TEK: variants seen among roughly 807,000 people sequenced by gnomAD.
TEK encodes the protein angiopoietin-1 receptor.
In TEK, 43 loss-of-function variants were observed where a neutral mutation model predicts 131.8. That is an observed-to-expected ratio of 0.33 (90% CI 0.26 to 0.42). TEK has a LOEUF of 0.42. Ranked by LOEUF, TEK falls within the 10% of genes least tolerant of loss-of-function variation. The pLI is 1.00. For missense variants in TEK, 1,162 were observed against 1,384.4 expected (o/e 0.84, Z 2.55); for synonymous variants, 580 against 491.6 (o/e 1.18, Z -2.38).
intron 1 of TEK, among the ~76,000 whole-genome samples, chr9:27,140,373 G>A (rs1822677305): frequency 6.9e-6 from 1 of 143,984 alleles, no homozygotes; most frequent in South Asian, 2.3e-4. Flanking sequence ...GGATCTGTTT[G>A]TGAAACTTAC....
intron 1 of TEK, among the ~76,000 whole-genome samples, chr9:27,109,918 C>T (rs1175273341): frequency 1.3e-5 from 2 of 152,066 alleles, no homozygotes; most frequent in Middle Eastern, 3.2e-3. Context: ...TGAAGAGATC[C>T]CCTTACTATC....
rs1165382474 is a variant in TEK, at chr9:27,197,616, G to T, written c.1909+17G>T. 6.2e-7 allele frequency: 1 copy of T among 1,613,526 alleles called. No individual in the cohort carries two copies. The highest frequency in any genetic ancestry group is 8.5e-7 in the Non-Finnish European group (1 of 1,179,834). The stretch of plus-strand genomic sequence containing the variant: ...TTAGTGACAGTAAGTAATTCATGCT[G>T]CTCCAGCCTCATCTGAGCAATAAGG... On this transcript the variant is annotated intron_variant, in intron 12 of 22. Transcript: ENST00000380036.
chr9:27,122,307 G>C (rs1163073749), intron 1 of TEK, among the ~76,000 whole-genome samples: 1 of 152,164 alleles, frequency 6.6e-6, no homozygotes. Context: ...AATTCTGAGA[G>C]AAAACAGGGA....
intron 21 of TEK, among the ~76,000 whole-genome samples, chr9:27,220,561 C>T (rs1826021945): frequency 6.6e-6 from 1 of 152,176 alleles, no homozygotes; most frequent in South Asian, 2.1e-4. Context: ...CCAGTGAGAT[C>T]AACGCAGAAG....
chr9:27,222,119 C>G (rs1443213084), intron 21 of TEK, among the ~76,000 whole-genome samples: 1 of 152,078 alleles, frequency 6.6e-6, no homozygotes, highest in Non-Finnish European at 1.5e-5. Context: ...CTGAATGGAT[C>G]AAGTGGAAGA....
intron 2 of TEK, among the ~76,000 whole-genome samples, chr9:27,165,533 A>G (rs1170100361): frequency 6.6e-6 from 1 of 152,146 alleles, no homozygotes; most frequent in Admixed American, 6.5e-5. Flanking sequence ...CTCATATCAC[A>G]AATGTCAGCA....
At chr9:27,211,206 T>TATATATGTGTATATATATGA (rs1441702890) in intron 16 of TEK, among the ~76,000 whole-genome samples, 3 of 148,274 alleles carry the variant, frequency 2.0e-5, no homozygotes, top group African/African-American at 7.3e-5. Context: ...TATATATGAA[T>TATATATGTGTATATATATGA]ATATGTGTAT....
At chr9:27,185,731 G>T in intron 9 of TEK, 102 bp downstream of exon 9, 1 of 1,482,600 alleles carries the variant, frequency 6.7e-7, no homozygotes, top group Non-Finnish European at 9.3e-7. Flanking sequence ...AATACCTTTG[G>T]GGTAATTTCC....
chr9:27,218,438 T>C (rs551607950), intron 19 of TEK, among the ~76,000 whole-genome samples: 2 of 152,280 alleles, frequency 1.3e-5, no homozygotes, highest in South Asian at 4.1e-4. Context: ...GTTCAGCAAC[T>C]GTTTCCAGGT....
rs183501057 is a variant in TEK, at chr9:27,147,845, G to T, written c.53-9986G>T. Among the ~76,000 whole-genome samples, 12 of 152,272 alleles carry T rather than the reference G, an allele frequency of 7.9e-5. No homozygotes were observed. In the East Asian group the frequency reaches 2.3e-3, roughly 29 times the overall value. ...TTGTTGAAAACAACTTCATTGAATT[G>T]TTAGACATTTTTGACGTGAGATGGT... On this transcript the variant is annotated intron_variant, in intron 1 of 22. Transcript: ENST00000380036.
At chr9:27,227,105 G>A (rs7028163) in intron 21 of TEK, among the ~76,000 whole-genome samples, 71,995 of 151,996 alleles carry the variant, frequency 0.47, 17,239 homozygotes, top group Admixed American at 0.57. Context: ...ATGTTAAAGT[G>A]TAAGCTGTTC....
intron 1 of TEK, among the ~76,000 whole-genome samples, chr9:27,122,438 T>G (rs1472498839): frequency 6.6e-6 from 1 of 152,134 alleles, no homozygotes; most frequent in Non-Finnish European, 1.5e-5. Flanking sequence ...ATAAAATGTT[T>G]AAGAGACTTT....
At position 27,202,904 on chromosome 9, in the gene TEK, A is replaced by G; in HGVS notation, c.1994A>G (p.Tyr665Cys). 1 of 1,614,140 alleles carries G rather than the reference A, an allele frequency of 6.2e-7. No homozygotes were observed. The highest frequency in any genetic ancestry group is 8.5e-7 in the Non-Finnish European group (1 of 1,179,972). The change falls in exon 13 of 23, where the codon TAT (tyrosine) becomes TGT (cysteine). Residue 665 changes from tyrosine to cysteine, a missense_variant. Transcript: ENST00000380036. ...AVISWTILDG[Y>C]SISSITIRYK... ...ATTTCTTGGACAATATTGGATGGCT[A>G]TTCTATTTCTTCTATTACTATCCGT...
intron 7 of TEK, among the ~76,000 whole-genome samples, chr9:27,183,236 G>A (rs1824459055): frequency 6.6e-6 from 1 of 152,200 alleles, no homozygotes; most frequent in African/African-American, 2.4e-5. Flanking sequence ...GATTTATAAA[G>A]ATCTGAGTCT....
At chr9:27,204,508 A>G (rs1346850936) in intron 13 of TEK, among the ~76,000 whole-genome samples, 1 of 152,160 alleles carries the variant, frequency 6.6e-6, no homozygotes. Flanking sequence ...ATTGAACTTT[A>G]AAGCATTTCT....
At chr9:27,164,389 A>G (rs999110702) in intron 2 of TEK, among the ~76,000 whole-genome samples, 33 of 146,428 alleles carry the variant, frequency 2.3e-4, no homozygotes, top group African/African-American at 7.6e-4. Flanking sequence ...GCGCAATCTC[A>G]GCTCACTGCA....
At chr9:27,227,884 A>G (rs900076730) in intron 21 of TEK, among the ~76,000 whole-genome samples, 1 of 152,170 alleles carries the variant, frequency 6.6e-6, no homozygotes, top group Non-Finnish European at 1.5e-5. Flanking sequence ...GGGCCCTTTA[A>G]GAGACACTAA....
chr9:27,132,102 T>TC (rs1360441738), intron 1 of TEK, among the ~76,000 whole-genome samples: 1 of 150,304 alleles, frequency 6.7e-6, no homozygotes, highest in Non-Finnish European at 1.5e-5. Context: ...TTTTTTTTTT[T>TC]CTTGAGACGG....
chr9:27,139,354 G>A (rs188028128), intron 1 of TEK, among the ~76,000 whole-genome samples: 2 of 99,610 alleles, frequency 2.0e-5, no homozygotes, highest in Non-Finnish European at 3.7e-5. Context: ...TTGAGACTGA[G>A]TCTCACTCTG....
Sources: gnomAD v4.1 joint callset for allele counts (sites outside exome capture counted in the v4.1 genomes callset) on GRCh38, gnomAD v4.1.1 for gene constraint, MANE v1.5 for transcripts, NCBI Gene and HGNC (gene_info 2026-07-23, HGNC 2026-07-21) for gene names.